Variants in RELB observed in about 807,000 individuals in gnomAD.
The protein encoded by RELB is RELB proto-oncogene, NF-kB subunit.
In RELB, 14 loss-of-function variants were observed where a neutral mutation model predicts 55.4. The ratio of observed to expected loss-of-function variants is 0.25; its 90% CI spans 0.17 to 0.40. The LOEUF (loss-of-function observed/expected upper bound fraction) is 0.40. RELB is among the 10% of genes least tolerant of loss of function. The probability of loss-of-function intolerance (pLI) is 1.00; values close to 1 mark genes in which losing one functional copy is unlikely to be tolerated. For missense variants in RELB, 669 were observed against 830.7 expected (o/e 0.81, Z 2.39); for synonymous variants, 409 against 371.3 (o/e 1.10, Z -1.17).
chr19:45,020,553 CTTT>C (rs34030158), intron 4 of RELB, among the ~76,000 whole-genome samples: 164 of 86,534 alleles, frequency 1.9e-3, no homozygotes, highest in African/African-American at 7.4e-3. Context: ...TGGCACCCAT[CTTT>C]TTTTTTTTTT....
chr19:45,003,535 A>AG (rs1350906957), intron 2 of RELB: 2 of 515,822 alleles, frequency 3.9e-6, no homozygotes, highest in African/African-American at 2.0e-5. Flanking sequence ...ATCCATGCGC[A>AG]AAGGCTTCTT....
intron 4 of RELB, among the ~76,000 whole-genome samples, chr19:45,017,084 C>T (rs879740926): frequency 1.3e-5 from 2 of 152,114 alleles, no homozygotes; most frequent in East Asian, 1.9e-4. Flanking sequence ...AGCCACCCCC[C>T]AAATCCCATT....
At chr19:45,032,064 C>T (rs181641912) in intron 8 of RELB, among the ~76,000 whole-genome samples, 8 of 151,624 alleles carry the variant, frequency 5.3e-5, no homozygotes, top group South Asian at 2.1e-4. Context: ...GGTGAAACCC[C>T]GTCTCTATTA....
intron 11 of RELB, among the ~76,000 whole-genome samples, chr19:45,036,118 G>A (rs1300518806): frequency 6.6e-6 from 1 of 152,062 alleles, no homozygotes; most frequent in Non-Finnish European, 1.5e-5. Flanking sequence ...TGTTGCCTAG[G>A]CTGGAGTGCA....
At chr19:45,032,840 C>A in intron 9 of RELB, 91 bp downstream of exon 9, 1 of 1,047,430 alleles carries the variant, frequency 9.5e-7, no homozygotes, top group Non-Finnish European at 1.4e-6. Context: ...AGAGGCAGAA[C>A]TAGAATGCAG....
chr19:45,033,913 G>C (rs544182214), intron 9 of RELB, among the ~76,000 whole-genome samples: 1 of 151,692 alleles, frequency 6.6e-6, no homozygotes, highest in East Asian at 2.0e-4. Context: ...CCAACACTTC[G>C]GGAGGCCAAG....
chr19:45,023,959 CA>C, intron 5 of RELB, among the ~76,000 whole-genome samples: 2 of 116,036 alleles, frequency 1.7e-5, no homozygotes, highest in African/African-American at 6.2e-5. Context: ...CCACGTTGGT[CA>C]GGCTGATCTC....
intron 2 of RELB, among the ~76,000 whole-genome samples, chr19:45,003,353 T>A (rs974404966): frequency 2.0e-5 from 3 of 151,450 alleles, no homozygotes; most frequent in Admixed American, 6.6e-5. Context: ...CGGGCTCCTG[T>A]AGTCCCAGCT....
intron 2 of RELB, among the ~76,000 whole-genome samples, chr19:45,003,756 G>A (rs1971244321): frequency 6.6e-6 from 1 of 151,482 alleles, no homozygotes; most frequent in Admixed American, 6.6e-5. Context: ...ATTGATACAG[G>A]TACACTTTCC....
rs1186109557 is a variant in RELB at position 45,012,058 on chromosome 19, G to C, written c.286G>C (p.Gly96Arg). ...GAASLSTVTLGPVAPPATPPP... is the reference protein window; with the variant it reads ...GAASLSTVTLRPVAPPATPPP... The stretch of plus-strand genomic sequence containing the variant: ...TGCGTCCCTGAGCACGGTCACCCTG[G>C]GCCCTGTGGCGCCCCCAGCCACGCC... The change falls in exon 4 of 12, where the codon GGC becomes CGC. Residue 96 changes from glycine to arginine, a missense_variant. By Grantham distance (125) the Gly-to-Arg change is moderately radical (BLOSUM62 -2). Transcript: ENST00000221452. 2.6e-6 allele frequency: 4 copies of C among 1,558,482 alleles called. No individual in the cohort carries two copies. Among genetic ancestry groups the C allele is most frequent in the Non-Finnish European group, 3.5e-6 (4 of 1,156,348 alleles).
chr19:45,034,167 TAAATAAA>T, intron 9 of RELB, 70 bp from the exon 10 acceptor site: 2 of 1,074,020 alleles, frequency 1.9e-6, no homozygotes, highest in Non-Finnish European at 2.7e-6. Context: ...TAAAAATAAA[TAAATAAA>T]TAAATAAATA....
Position 45,032,521 on chromosome 19 carries a change from C to T in RELB, c.992-13C>T, listed in dbSNP as rs776684431. The T allele has an allele frequency of 1.3e-5, 21 of 1,602,382 alleles. No individual in the cohort carries two copies. The highest frequency in any genetic ancestry group is 6.7e-5 in the East Asian group (3 of 44,524). On this transcript the variant is annotated splice_polypyrimidine_tract_variant and intron_variant, in intron 8 of 11. Transcript: ENST00000221452. ...ATGTCCTGGCTTAGCTGATGTCCCC[C>T]GTTTCCTGCCAGAGGACATATCAGT...
chr19:45,032,658 C>T lies in RELB; in HGVS notation c.1116C>T (p.Val372=), dbSNP rs758834064. The T allele has an allele frequency of 1.2e-5, 20 of 1,612,076 alleles. No homozygotes were observed. In the East Asian group the frequency reaches 1.3e-4, roughly 11 times the overall value. ...KTPPYEDLEI[V]EPVTVNVFLQ... ...CGCCCTACGAGGACCTGGAGATTGT[C>T]GAGCCCGTGACAGTCAACGTCTTCC... The change falls in exon 9 of 12, where the codon GTC becomes GTT. Residue 372 remains valine, a synonymous_variant. Coordinates refer to ENST00000221452, the MANE Select transcript of RELB (RefSeq NM_006509.4).
rs375974830 is a variant in RELB at position 45,037,712 on chromosome 19, C to T, written c.1662C>T (p.Gly554=). 1.8e-5 allele frequency: 27 copies of T among 1,537,156 alleles called. No individual in the cohort carries two copies. The African/African-American group carries it at 3.3e-4, about 19-fold the overall frequency. Residue 554 remains glycine, a synonymous_variant, in exon 12 of 12, where the codon GGC becomes GGT. Coordinates refer to ENST00000221452, the MANE Select transcript of RELB (RefSeq NM_006509.4). ...PGDGGTASLV[G]SNMFPNHYRE... is the part of the protein sequence containing the mutation. Reference sequence around the variant, plus strand: ...ATGGAGGCACCGCCAGCCTTGTGGGCAGCAACATGTTCCCCAATCATTACC... The same window carrying T: ...ATGGAGGCACCGCCAGCCTTGTGGGTAGCAACATGTTCCCCAATCATTACC...
chr19:45,023,981 C>T (rs1971525768), intron 5 of RELB, among the ~76,000 whole-genome samples: 1 of 77,284 alleles, frequency 1.3e-5, no homozygotes, highest in Admixed American at 1.7e-4. Flanking sequence ...AAAATTCTGA[C>T]CTTGTGACCC....
rs1368382730 is a variant in RELB, at chr19:45,011,793, T to TGAGA, written c.164-142_164-141insAGAG. 132 of 228,026 alleles carry TGAGA rather than the reference T, an allele frequency of 5.8e-4. 1 individual carries two copies. In the African/African-American group the frequency reaches 8.0e-3, roughly 14 times the overall value. 14.1% of individuals were successfully genotyped at this position (228,026 alleles called of 1,614,324 possible). ...GTGTGTGTGTGTGTGTGTGTGTGTG[T>TGAGA]GTGTGAGAGAGAGAGAGAGAGAGAG... is the stretch of plus-strand genomic sequence containing the variant. On this transcript the variant is annotated intron_variant, in intron 3 of 11. Transcript: ENST00000221452.
rs571786771 is a variant in RELB, at chr19:45,012,047, C to T, written c.275C>T (p.Thr92Met). 17 of 1,566,318 alleles carry T rather than the reference C, an allele frequency of 1.1e-5. No individual in the cohort carries two copies. The East Asian group carries it at 1.7e-4, about 16-fold the overall frequency. ...LVSRGAASLS[T>M]VTLGPVAPPA... ...TCTCGCGGGGCTGCGTCCCTGAGCA[C>T]GGTCACCCTGGGCCCTGTGGCGCCC... Residue 92 changes from threonine (T) to methionine (M), a missense_variant, in exon 4 of 12, where the codon ACG (threonine) becomes ATG (methionine). This residue lies in a region of RELB where 323 missense variants were observed against 368.5 expected (regional missense o/e 0.88). Coordinates refer to ENST00000221452, the MANE Select transcript of RELB (RefSeq NM_006509.4).
In RELB at chr19:45,011,791, T is replaced by A. The variant is rs1363460592; in HGVS notation, c.164-145T>A. ...GTGTGTGTGTGTGTGTGTGTGTGTG[T>A]GTGTGTGAGAGAGAGAGAGAGAGAG... On this transcript the variant is annotated intron_variant, in intron 3 of 11. Coordinates refer to ENST00000221452, the MANE Select transcript of RELB (RefSeq NM_006509.4). The A allele has an allele frequency of 1.2e-3, 324 of 267,218 alleles. 1 individual carries two copies. In the African/African-American group the frequency reaches 0.017, roughly 14 times the overall value. 16.6% of individuals were successfully genotyped at this position (267,218 alleles called of 1,614,324 possible).
At chr19:45,020,883 T>C (rs896428202) in intron 4 of RELB, among the ~76,000 whole-genome samples, 3 of 152,078 alleles carry the variant, frequency 2.0e-5, no homozygotes, top group Non-Finnish European at 2.9e-5. Flanking sequence ...TAGTCTTCCA[T>C]GACACTGAAA....
Sources: gnomAD v4.1 joint callset for allele counts (sites outside exome capture counted in the v4.1 genomes callset) on GRCh38, gnomAD v4.1.1 for gene constraint, gnomAD v4.1.1 regional missense constraint, MANE v1.5 for transcripts, NCBI Gene and HGNC (gene_info 2026-07-23, HGNC 2026-07-21) for gene names.